MLIP: variants seen among roughly 807,000 people sequenced by gnomAD.
MLIP encodes the protein muscular LMNA-interacting protein.
MLIP carries 79 observed loss-of-function variants against 84.8 expected under a neutral mutation model. That is an observed-to-expected ratio of 0.93 (90% confidence interval 0.78 to 1.12). The LOEUF (loss-of-function observed/expected upper bound fraction) is 1.12, where lower values mean the gene tolerates loss of function less well. Among genes scored for constraint, MLIP ranks in the 50% most tolerant of loss-of-function variants. The pLI, the probability that MLIP is intolerant of heterozygous loss-of-function variation, is 0.00. For synonymous variants in MLIP, 504 were observed against 463.0 expected (o/e 1.09, Z -1.14); for missense variants, 1,257 against 1,160.6 (o/e 1.08, Z -1.21).
chr6:54,095,400 A>G (rs1368768358), intron 1 of MLIP, among the ~76,000 whole-genome samples: 1 of 151,988 alleles, frequency 6.6e-6, no homozygotes, highest in Non-Finnish European at 1.5e-5. Flanking sequence ...CTTTTCATTT[A>G]TTTTCATTAT....
At chr6:54,039,841 C>T (rs1482823894) in intron 1 of MLIP, among the ~76,000 whole-genome samples, 1 of 151,782 alleles carries the variant, frequency 6.6e-6, no homozygotes, top group Non-Finnish European at 1.5e-5. Flanking sequence ...TTCAGCCACG[C>T]TAAAATGTTA....
chr6:54,225,677 G>A (rs897114451), intron 11 of MLIP, among the ~76,000 whole-genome samples: 1 of 152,150 alleles, frequency 6.6e-6, no homozygotes, highest in Admixed American at 6.6e-5. Context: ...ATTAAAGAGT[G>A]CTGTGTCCTC....
chr6:54,233,651 G>GTCTTTATA (rs1373030571), intron 12 of MLIP, among the ~76,000 whole-genome samples: 4 of 152,308 alleles, frequency 2.6e-5, no homozygotes, highest in African/African-American at 9.6e-5. Context: ...GTGTGCATGT[G>GTCTTTATA]TCTTTATAGT....
intron 9 of MLIP, among the ~76,000 whole-genome samples, chr6:54,171,623 G>C (rs1775777205): frequency 6.6e-6 from 1 of 151,264 alleles, no homozygotes; most frequent in Non-Finnish European, 1.5e-5. Flanking sequence ...TAGAGCAGAA[G>C]TTCACTTTAG....
chr6:54,189,918 T>C lies in MLIP; in HGVS notation c.2589+4T>C, dbSNP rs781657058. 5 of 1,596,770 alleles carry C rather than the reference T, an allele frequency of 3.1e-6. No individual in the cohort carries two copies. Among genetic ancestry groups the C allele is most frequent in the Non-Finnish European group, 4.3e-6 (5 of 1,165,138 alleles). On this transcript the variant is annotated splice_donor_region_variant and intron_variant, in intron 10 of 13. Coordinates refer to ENST00000502396, the MANE Select transcript of MLIP (RefSeq NM_001281747.2). ...TACAGTATCTGAGAGTCAGCTGGTA[T>C]GTATCTTCTAAGTCACAGATCTACT...
intron 5 of MLIP, among the ~76,000 whole-genome samples, chr6:54,157,696 T>C (rs1053315774): frequency 2.0e-5 from 3 of 152,032 alleles, no homozygotes; most frequent in African/African-American, 4.8e-5. Context: ...TCTCCCCCTT[T>C]AACAAGGTGA....
intron 11 of MLIP, among the ~76,000 whole-genome samples, chr6:54,218,759 G>T (rs904053049): frequency 6.6e-6 from 1 of 151,926 alleles, no homozygotes; most frequent in Admixed American, 6.6e-5. Flanking sequence ...CAGGTGATCT[G>T]CCCACCTCAG....
intron 11 of MLIP, chr6:54,203,632 C>G (rs1025028061): frequency 2.0e-5 from 3 of 152,062 alleles, no homozygotes; most frequent in African/African-American, 7.3e-5. Context: ...GTTGTCTAGG[C>G]TGGAGCTCAA....
intron 9 of MLIP, among the ~76,000 whole-genome samples, chr6:54,189,232 A>G (rs1777687544): frequency 6.6e-6 from 1 of 152,228 alleles, no homozygotes; most frequent in Admixed American, 6.5e-5. Flanking sequence ...GCACTTACAA[A>G]CATGTTCAAA....
At chr6:54,054,615 C>A (rs994350035) in intron 1 of MLIP, among the ~76,000 whole-genome samples, 1 of 152,132 alleles carries the variant, frequency 6.6e-6, no homozygotes, top group Non-Finnish European at 1.5e-5. Flanking sequence ...GTCAATATTT[C>A]ACTTGCAAGA....
intron 1 of MLIP, among the ~76,000 whole-genome samples, chr6:54,075,677 G>A (rs1766760609): frequency 1.3e-5 from 2 of 152,138 alleles, no homozygotes; most frequent in African/African-American, 4.8e-5. Flanking sequence ...ATTTCTATGG[G>A]TCTATAGTCA....
intron 5 of MLIP, among the ~76,000 whole-genome samples, chr6:54,150,440 T>C (rs1359049261): frequency 6.6e-6 from 1 of 152,108 alleles, no homozygotes; most frequent in Non-Finnish European, 1.5e-5. Flanking sequence ...GCCATAATGG[T>C]GGGAGATGGT....
intron 11 of MLIP, among the ~76,000 whole-genome samples, chr6:54,207,764 G>T (rs1467867864): frequency 6.6e-6 from 1 of 152,116 alleles, no homozygotes; most frequent in Non-Finnish European, 1.5e-5. Context: ...TCTATGTTTT[G>T]TTAACACATG....
At chr6:54,187,983 G>A (rs1264774081) in intron 9 of MLIP, among the ~76,000 whole-genome samples, 1 of 152,208 alleles carries the variant, frequency 6.6e-6, no homozygotes, top group Non-Finnish European at 1.5e-5. Flanking sequence ...ATCCAGCCTG[G>A]TGACAGAGGG....
intron 11 of MLIP, among the ~76,000 whole-genome samples, chr6:54,212,842 G>A (rs1417390): frequency 0.77 from 117,706 of 152,162 alleles, 48,060 homozygotes; most frequent in East Asian, 0.98. Context: ...CATATTTAGT[G>A]GTTTTTTAAA....
chr6:54,020,059 C>A (rs1010832768), intron 1 of MLIP, among the ~76,000 whole-genome samples: 16 of 152,184 alleles, frequency 1.1e-4, no homozygotes, highest in African/African-American at 3.9e-4. Flanking sequence ...CATGTAATGG[C>A]CACAGAGTAT....
chr6:54,131,301 A>G (rs1450531072), intron 3 of MLIP, among the ~76,000 whole-genome samples: 1 of 152,200 alleles, frequency 6.6e-6, no homozygotes, highest in East Asian at 1.9e-4. Flanking sequence ...AATTCATGGC[A>G]GCTTGCCTCT....
chr6:54,199,265 T>C (rs1280548466), intron 10 of MLIP, among the ~76,000 whole-genome samples: 1 of 152,100 alleles, frequency 6.6e-6, no homozygotes, highest in East Asian at 1.9e-4. Context: ...ATAGAAGTGA[T>C]AAAAATCACA....
chr6:54,180,735 T>C (rs1776768625), intron 9 of MLIP, among the ~76,000 whole-genome samples: 2 of 152,194 alleles, frequency 1.3e-5, no homozygotes, highest in African/African-American at 4.8e-5. Flanking sequence ...GAATTCTAAA[T>C]TCCTTCTCTG....
Sources: allele counts gnomAD v4.1 joint callset (sites outside exome capture counted in the v4.1 genomes callset), GRCh38; gene constraint gnomAD v4.1.1; transcripts MANE v1.5; gene names NCBI Gene and HGNC (gene_info 2026-07-23, HGNC 2026-07-21).